Variants in EYA4 observed in about 807,000 individuals in gnomAD.
EYA4 encodes the protein EYA transcriptional coactivator and phosphatase 4.
EYA4 carries 31 observed loss-of-function variants against 87.9 expected under a neutral mutation model. The ratio of observed to expected loss-of-function variants is 0.35; its 90% CI spans 0.27 to 0.48. The LOEUF (loss-of-function observed/expected upper bound fraction) is 0.48. Ranked by LOEUF, EYA4 falls within the 20% of genes least tolerant of loss-of-function variation. EYA4 has a pLI of 0.99. For synonymous variants in EYA4, 263 were observed against 270.6 expected (o/e 0.97, Z 0.28); for missense variants, 678 against 761.4 (o/e 0.89, Z 1.29).
At chr6:133,299,422 G>C (rs1779190328) in intron 2 of EYA4, among the ~76,000 whole-genome samples, 1 of 152,012 alleles carries the variant, frequency 6.6e-6, no homozygotes, top group Non-Finnish European at 1.5e-5. Flanking sequence ...CATTGAGATG[G>C]TGCCATTAAA....
At chr6:133,309,950 T>TA (rs1562274632) in intron 2 of EYA4, among the ~76,000 whole-genome samples, 1 of 152,124 alleles carries the variant, frequency 6.6e-6, no homozygotes, top group African/African-American at 2.4e-5. Flanking sequence ...AGGATATTTT[T>TA]AAAAAAGAAG....
At chr6:133,264,913 C>T (rs1436561791) in intron 1 of EYA4, among the ~76,000 whole-genome samples, 1 of 152,096 alleles carries the variant, frequency 6.6e-6, no homozygotes, top group Non-Finnish European at 1.5e-5. Context: ...CTCACTGCAG[C>T]CTTGAACTCC....
In EYA4 at chr6:133,530,145, C is replaced by T; in HGVS notation, c.*1340C>T. 1 of 985,134 alleles carries T rather than the reference C, an allele frequency of 1.0e-6. No homozygotes were observed. The highest frequency in any genetic ancestry group is 4.7e-5 in the South Asian group (1 of 21,280). The allele number at this position is 985,134 out of a possible 1,614,324, so 61.0% of individuals were successfully genotyped here. Reference sequence around the variant, plus strand: ...AGAATATCATCATAAATTAAATTAGCAAGTGCGCTGGATCTTGGCAGCGCT... The same window carrying T: ...AGAATATCATCATAAATTAAATTAGTAAGTGCGCTGGATCTTGGCAGCGCT... On this transcript the variant is annotated 3_prime_UTR_variant, in exon 20 of 20. Coordinates refer to ENST00000355286, the MANE Select transcript of EYA4 (RefSeq NM_004100.5).
intron 2 of EYA4, among the ~76,000 whole-genome samples, chr6:133,332,287 A>G (rs73557798): frequency 0.023 from 3,464 of 152,324 alleles, 138 homozygotes; most frequent in African/African-American, 0.08. Flanking sequence ...AAAACAAAAC[A>G]TAACCTGTTT....
chr6:133,434,306 A>G (rs964956034), intron 3 of EYA4, among the ~76,000 whole-genome samples: 74 of 152,320 alleles, frequency 4.9e-4, no homozygotes, highest in African/African-American at 1.6e-3. Flanking sequence ...AAACTTTCTG[A>G]TAGTATAAGT....
At chr6:133,293,755 G>A (rs993664043) in intron 2 of EYA4, among the ~76,000 whole-genome samples, 3 of 151,698 alleles carry the variant, frequency 2.0e-5, no homozygotes, top group Non-Finnish European at 4.4e-5. Context: ...GGGCAACATG[G>A]TGAAACCCCA....
chr6:133,260,224 TTTATGTAGC>T (rs1775687279), intron 1 of EYA4, among the ~76,000 whole-genome samples: 1 of 151,310 alleles, frequency 6.6e-6, no homozygotes, highest in Non-Finnish European at 1.5e-5. Context: ...GTTTTGTTTC[TTTATGTAGC>T]TTATAATTTT....
intron 5 of EYA4, among the ~76,000 whole-genome samples, chr6:133,456,004 G>T (rs1171799679): frequency 6.6e-6 from 1 of 152,060 alleles, no homozygotes; most frequent in Non-Finnish European, 1.5e-5. Context: ...ATTAAAAATT[G>T]TTATGCCATT....
chr6:133,469,700 T>C (rs549429491), intron 11 of EYA4, among the ~76,000 whole-genome samples: 1 of 152,076 alleles, frequency 6.6e-6, no homozygotes, highest in South Asian at 2.1e-4. Flanking sequence ...CCAAATGGAT[T>C]GTAAGCCTAC....
At chr6:133,425,708 C>T (rs1334135959) in intron 3 of EYA4, among the ~76,000 whole-genome samples, 2 of 150,726 alleles carry the variant, frequency 1.3e-5, no homozygotes, top group Non-Finnish European at 2.9e-5. Context: ...TTAGCTCTAA[C>T]TATCTCTTAG....
chr6:133,280,773 G>A (rs1291578187), intron 2 of EYA4, among the ~76,000 whole-genome samples: 1 of 152,032 alleles, frequency 6.6e-6, no homozygotes, highest in East Asian at 1.9e-4. Flanking sequence ...GATTTCTAGG[G>A]TATTCATAGA....
chr6:133,474,381 T>C (rs962402338), intron 11 of EYA4, among the ~76,000 whole-genome samples: 1 of 152,058 alleles, frequency 6.6e-6, no homozygotes, highest in African/African-American at 2.4e-5. Context: ...TTATTCCTAT[T>C]AAATATATTA....
chr6:133,489,108 A>G (rs1002932654), intron 13 of EYA4, among the ~76,000 whole-genome samples: 2 of 152,242 alleles, frequency 1.3e-5, no homozygotes, highest in Admixed American at 1.3e-4. Flanking sequence ...TGTAATGGAC[A>G]TATTGAAGAA....
chr6:133,502,710 T>C (rs1475055614), intron 13 of EYA4: 9 of 152,114 alleles, frequency 5.9e-5, no homozygotes. Context: ...AAATTAGATA[T>C]TTGAAAGTAA....
Position 133,531,275 on chromosome 6 carries a change from G to GT in EYA4, c.*2471dup, listed in dbSNP as rs1163383492. Reference sequence around the variant, plus strand: ...GAACAGCTTGTCTGGCACAACAATGGTGCAGGCCCACGAGCCAGCATCACA... The same window carrying GT: ...GAACAGCTTGTCTGGCACAACAATGGTTGCAGGCCCACGAGCCAGCATCACA... On this transcript the variant is annotated 3_prime_UTR_variant, in exon 20 of 20. Coordinates refer to ENST00000355286, the MANE Select transcript of EYA4 (RefSeq NM_004100.5). 7.1e-6 allele frequency: 10 copies of GT among 1,404,302 alleles called. No individual in the cohort carries two copies. Among genetic ancestry groups the GT allele is most frequent in the Non-Finnish European group, 9.7e-6 (10 of 1,028,394 alleles). 87.0% of individuals were successfully genotyped at this position (1,404,302 alleles called of 1,614,324 possible).
At chr6:133,249,100 C>A (rs1030078271) in intron 1 of EYA4, among the ~76,000 whole-genome samples, 19 of 152,230 alleles carry the variant, frequency 1.2e-4, no homozygotes, top group Middle Eastern at 3.4e-3. Flanking sequence ...TGAAGACTTG[C>A]AAAATTAGAG....
intron 1 of EYA4, among the ~76,000 whole-genome samples, chr6:133,268,505 G>T (rs552110563): frequency 1.3e-5 from 2 of 152,258 alleles, no homozygotes; most frequent in South Asian, 4.1e-4. Context: ...GGCTCTAAAG[G>T]AGAAGGCCAG....
chr6:133,423,637 TATC>T (rs1390305329), intron 3 of EYA4, among the ~76,000 whole-genome samples: 2 of 152,216 alleles, frequency 1.3e-5, no homozygotes, highest in Non-Finnish European at 2.9e-5. Flanking sequence ...AGTTTTATAA[TATC>T]ATTAAAATCA....
chr6:133,416,343 G>A (rs1789710245), intron 3 of EYA4, among the ~76,000 whole-genome samples: 1 of 152,168 alleles, frequency 6.6e-6, no homozygotes, highest in Non-Finnish European at 1.5e-5. Flanking sequence ...GATGGGATTT[G>A]GTTAGTGAGG....
Sources: allele counts gnomAD v4.1 joint callset (sites outside exome capture counted in the v4.1 genomes callset), GRCh38; gene constraint gnomAD v4.1.1; transcripts MANE v1.5; gene names NCBI Gene and HGNC (gene_info 2026-07-23, HGNC 2026-07-21).